RIMS1: variants seen among roughly 807,000 people sequenced by gnomAD.
RIMS1 encodes regulating synaptic membrane exocytosis protein 1.
In RIMS1, 83 loss-of-function variants were observed where a neutral mutation model predicts 214.1. That is an observed-to-expected ratio of 0.39 (90% CI 0.32 to 0.47). The LOEUF (loss-of-function observed/expected upper bound fraction) is 0.47. Ranked by LOEUF, RIMS1 falls within the 20% of genes least tolerant of loss-of-function variation. The pLI is 0.99. For missense variants in RIMS1, 2,050 were observed against 2,161.8 expected (o/e 0.95, Z 1.03); for synonymous variants, 793 against 786.8 (o/e 1.01, Z -0.13).
intron 4 of RIMS1, among the ~76,000 whole-genome samples, chr6:72,160,561 A>AATACC (rs1166969776): frequency 7.1e-6 from 1 of 140,008 alleles, no homozygotes; most frequent in African/African-American, 2.5e-5. Flanking sequence ...GCATCCCATC[A>AATACC]ATACCTAATT....
At chr6:72,184,482 A>T (rs917107700) in intron 6 of RIMS1, among the ~76,000 whole-genome samples, 2 of 152,324 alleles carry the variant, frequency 1.3e-5, no homozygotes. Flanking sequence ...TGGCTGCAGG[A>T]TTGCTATAAA....
intron 6 of RIMS1, among the ~76,000 whole-genome samples, chr6:72,224,117 C>G (rs1410821095): frequency 6.6e-6 from 1 of 151,994 alleles, no homozygotes; most frequent in African/African-American, 2.4e-5. Context: ...TAGTAAACAA[C>G]CTGATATAGT....
intron 28 of RIMS1, among the ~76,000 whole-genome samples, chr6:72,316,105 A>C (rs1184265798): frequency 1.3e-5 from 2 of 152,152 alleles, no homozygotes; most frequent in Non-Finnish European, 2.9e-5. Context: ...ACAAAAAAAA[A>C]CATTGTAAAT....
At chr6:72,075,677 T>C (rs2153751112) in intron 2 of RIMS1, among the ~76,000 whole-genome samples, 1 of 152,308 alleles carries the variant, frequency 6.6e-6, no homozygotes, top group East Asian at 1.9e-4. Flanking sequence ...AGCCCATCTA[T>C]AATTCTCATC....
At chr6:72,183,210 T>C (rs927741816) in intron 6 of RIMS1, 61 bp downstream of exon 6, 7 of 1,532,714 alleles carry the variant, frequency 4.6e-6, no homozygotes, top group East Asian at 4.8e-5. Context: ...TGGGCAGAGG[T>C]GCAGGTGCTA....
At chr6:72,110,548 AT>A (rs1170785381) in intron 4 of RIMS1, among the ~76,000 whole-genome samples, 1 of 148,872 alleles carries the variant, frequency 6.7e-6, no homozygotes, top group Non-Finnish European at 1.5e-5. Flanking sequence ...TTGTACATTG[AT>A]TTTGTATCCT....
intron 29 of RIMS1, among the ~76,000 whole-genome samples, chr6:72,372,104 G>A (rs1201680396): frequency 2.0e-5 from 3 of 152,162 alleles, no homozygotes; most frequent in Non-Finnish European, 2.9e-5. Flanking sequence ...TTCTAGGCCT[G>A]TGGTTCTAGA....
intron 4 of RIMS1, among the ~76,000 whole-genome samples, chr6:72,116,670 T>C (rs991740029): frequency 6.6e-6 from 1 of 152,042 alleles, no homozygotes; most frequent in African/African-American, 2.4e-5. Context: ...CACATTTGTC[T>C]TTATGCCTCT....
intron 29 of RIMS1, among the ~76,000 whole-genome samples, chr6:72,344,817 T>C (rs1437971613): frequency 6.6e-6 from 1 of 151,818 alleles, no homozygotes; most frequent in African/African-American, 2.4e-5. Flanking sequence ...AGCTGGTCTA[T>C]GTTTGTTCTT....
chr6:72,284,554 A>G (rs2091609993), intron 24 of RIMS1, among the ~76,000 whole-genome samples: 2 of 152,332 alleles, frequency 1.3e-5, no homozygotes, highest in South Asian at 2.1e-4. Flanking sequence ...ATATTCTAAT[A>G]TTCTACTGGT....
In RIMS1 at chr6:72,316,710, G is replaced by A. The variant is rs576982825; in HGVS notation, c.4130+3038G>A. ...TGGGTGGCACCTCCTGGAAGAGGGT[G>A]TCTAGATCCCAGAGCAGCCTGGGGG... On this transcript the variant is annotated intron_variant, in intron 28 of 33. Coordinates refer to ENST00000521978, the MANE Select transcript of RIMS1 (RefSeq NM_014989.7). 9.7e-4 allele frequency: 624 copies of A among 641,178 alleles called. 1 individual carries two copies. The highest frequency in any genetic ancestry group is 2.9e-4 in the East Asian group (8 of 27,278). 39.7% of individuals were successfully genotyped at this position (641,178 alleles called of 1,614,324 possible).
chr6:72,032,041 G>T lies in RIMS1; in HGVS notation c.245+62978G>T, dbSNP rs543100240. ...AGTCTTCTTGTAGAGGGTCATACTG[G>T]AGACTAATGATGCATTTATATCAGG... On this transcript the variant is annotated intron_variant, in intron 2 of 33. Transcript: ENST00000521978. Among the ~76,000 whole-genome samples the T allele has an allele frequency of 2.1e-3, 321 of 152,222 alleles. 1 individual carries two copies. Among genetic ancestry groups the T allele is most frequent in the South Asian group, 0.015 (70 of 4,824 alleles).
At chr6:72,158,412 AT>A (rs1228155301) in intron 4 of RIMS1, among the ~76,000 whole-genome samples, 2 of 139,854 alleles carry the variant, frequency 1.4e-5, no homozygotes, top group South Asian at 2.4e-4. Context: ...AAAAGATTGT[AT>A]TTTTTTTAAT....
In RIMS1 at chr6:71,984,746, T is replaced by TATGC. The variant is rs977737445; in HGVS notation, c.245+15686_245+15687insCATG. Among the ~76,000 whole-genome samples, 21 of 49,130 alleles carry TATGC rather than the reference T, an allele frequency of 4.3e-4. No homozygotes were observed. In the Admixed American group the frequency reaches 5.5e-3, roughly 13 times the overall value. 32.2% of individuals were successfully genotyped at this position (49,130 alleles called of 152,430 possible). On this transcript the variant is annotated intron_variant, in intron 2 of 33. Coordinates refer to ENST00000521978, the MANE Select transcript of RIMS1 (RefSeq NM_014989.7). Reference sequence around the variant, plus strand: ...CTTCATATCTATGTATCCATCTGTGTATGTATGTATGTATGTATGTATGTA... The same window carrying TATGC: ...CTTCATATCTATGTATCCATCTGTGTATGCATGTATGTATGTATGTATGTATGTA...
intron 32 of RIMS1, among the ~76,000 whole-genome samples, 166 bp from the exon 33 acceptor site, chr6:72,398,789 G>A (rs2098808069): frequency 6.6e-6 from 1 of 152,030 alleles, no homozygotes; most frequent in South Asian, 2.1e-4. Context: ...GTAACATATA[G>A]ATTTAAGGAA....
intron 6 of RIMS1, among the ~76,000 whole-genome samples, chr6:72,205,664 C>T (rs9360539): frequency 0.016 from 2,417 of 152,220 alleles, 126 homozygotes; most frequent in East Asian, 0.15. Context: ...CAATCATTAC[C>T]TCTAACTGAC....
intron 4 of RIMS1, among the ~76,000 whole-genome samples, chr6:72,165,973 G>A (rs549832155): frequency 2.5e-4 from 38 of 152,052 alleles, no homozygotes; most frequent in Admixed American, 5.2e-4. Flanking sequence ...TTTGCTCTTC[G>A]TATTAATATG....
intron 17 of RIMS1, 83 bp downstream of exon 17, chr6:72,258,364 T>A: frequency 1.5e-6 from 2 of 1,313,538 alleles, no homozygotes; most frequent in Admixed American, 2.6e-5. Context: ...CTAACTGAAA[T>A]GAAAAAATAG....
chr6:72,324,027 C>CATAGATAG (rs70994121), intron 28 of RIMS1, among the ~76,000 whole-genome samples: 5,997 of 145,936 alleles, frequency 0.041, 148 homozygotes, highest in East Asian at 0.058. Context: ...TGCATGCATG[C>CATAGATAG]ATAGATAGAT....
Sources: gnomAD v4.1 joint callset for allele counts (sites outside exome capture counted in the v4.1 genomes callset) on GRCh38, gnomAD v4.1.1 for gene constraint, MANE v1.5 for transcripts, NCBI Gene and HGNC (gene_info 2026-07-23, HGNC 2026-07-21) for gene names.